Variants in BTBD2 observed in about 807,000 individuals in gnomAD.
BTBD2 encodes BTB/POZ domain-containing protein 2.
BTBD2 carries 15 observed loss-of-function variants against 44.0 expected under a neutral mutation model. The observed-to-expected ratio is 0.34, with a 90% confidence interval of 0.23 to 0.53. The LOEUF is 0.53. Ranked by LOEUF, BTBD2 falls within the 20% of genes least tolerant of loss-of-function variation. BTBD2 has a pLI of 0.95. For missense variants in BTBD2, 657 were observed against 746.4 expected, an observed-to-expected ratio of 0.88 and a Z score of 1.39; for synonymous variants, 443 against 335.9, an observed-to-expected ratio of 1.32 and a Z score of -3.49.
At chr19:1,986,691 C>T (rs769692974) in intron 8 of BTBD2, 42 bp from the exon 9 acceptor site, 10 of 1,604,248 alleles carry the variant, frequency 6.2e-6, no homozygotes, top group Admixed American at 1.7e-5. Flanking sequence ...GACCACCAGG[C>T]TGGGATGCCC....
At chr19:2,014,471 C>G (rs1385437993) in intron 1 of BTBD2, 1 of 145,452 alleles carries the variant, frequency 6.9e-6, no homozygotes, top group African/African-American at 2.6e-5. Context: ...AGGTGGGGTC[C>G]AGGGATGGAG....
chr19:2,013,722 G>C, intron 1 of BTBD2: 3 of 972,670 alleles, frequency 3.1e-6, no homozygotes, highest in Non-Finnish European at 3.7e-6. Context: ...GGTATCCCTG[G>C]AGGGGAGCAG....
chr19:2,001,197 T>G (rs966590621), intron 1 of BTBD2, among the ~76,000 whole-genome samples: 4 of 151,082 alleles, frequency 2.6e-5, no homozygotes, highest in Admixed American at 2.0e-4. Flanking sequence ...GGCAGGAGAA[T>G]CACTTAGAAC....
intron 2 of BTBD2, among the ~76,000 whole-genome samples, chr19:1,994,780 A>G (rs186111787): frequency 8.7e-4 from 132 of 152,138 alleles, no homozygotes; most frequent in African/African-American, 3.2e-3. Flanking sequence ...AAATAAAAAA[A>G]TATTTTTTTT....
At chr19:2,015,085 G>A (rs1017797755) in intron 1 of BTBD2, among the ~76,000 whole-genome samples, 1 of 150,018 alleles carries the variant, frequency 6.7e-6, no homozygotes, top group African/African-American at 2.5e-5. Context: ...AGGGGTGCAG[G>A]GCCTCAGGTG....
chr19:1,990,315 C>T (rs1306103925), intron 4 of BTBD2, 114 bp from the exon 5 acceptor site: 12 of 1,165,212 alleles, frequency 1.0e-5, no homozygotes, highest in East Asian at 5.2e-5. Flanking sequence ...AACTATGGCC[C>T]GTGGCCCAAA....
intron 4 of BTBD2, 33 bp from the exon 5 acceptor site, chr19:1,990,234 G>A (rs539455092): frequency 3.2e-6 from 5 of 1,559,478 alleles, no homozygotes; most frequent in African/African-American, 1.4e-5. Flanking sequence ...GCGTGAACAC[G>A]ACACCCACAT....
chr19:2,012,950 A>G (rs1372243866), intron 1 of BTBD2, among the ~76,000 whole-genome samples: 1 of 151,960 alleles, frequency 6.6e-6, no homozygotes, highest in Non-Finnish European at 1.5e-5. Context: ...CCCCTCCCCA[A>G]AGAGCACAAA....
intron 1 of BTBD2, 26 bp downstream of exon 1, chr19:2,015,271 A>G: frequency 6.6e-7 from 1 of 1,503,760 alleles, no homozygotes; most frequent in Non-Finnish European, 8.9e-7. Context: ...GGTCGGGGCC[A>G]GGGCTGGCGG....
At chr19:2,006,535 A>C in intron 1 of BTBD2, among the ~76,000 whole-genome samples, 1 of 151,070 alleles carries the variant, frequency 6.6e-6, no homozygotes, top group African/African-American at 2.4e-5. Flanking sequence ...AAGAAAAATC[A>C]CCCAACTTTA....
At chr19:1,999,738 A>G (rs987635315) in intron 1 of BTBD2, among the ~76,000 whole-genome samples, 3 of 151,784 alleles carry the variant, frequency 2.0e-5, no homozygotes, top group East Asian at 1.9e-4. Context: ...AGGCAGGCAA[A>G]TCACCTGGGG....
intron 3 of BTBD2, chr19:1,991,204 A>G (rs2016172613): frequency 5.1e-6 from 1 of 196,318 alleles, no homozygotes; most frequent in Admixed American, 5.7e-5. Context: ...CCGACCGGTG[A>G]AGCTTCCCGA....
intron 1 of BTBD2, chr19:2,003,378 G>A (rs1229795785): frequency 2.6e-5 from 4 of 152,216 alleles, no homozygotes; most frequent in Admixed American, 2.6e-4. Context: ...GGAGGCTGAA[G>A]CAAGAGACTT....
intron 1 of BTBD2, among the ~76,000 whole-genome samples, chr19:2,010,941 G>A (rs1432263503): frequency 2.0e-5 from 3 of 152,122 alleles, no homozygotes; most frequent in Non-Finnish European, 4.4e-5. Flanking sequence ...CCCGGCCTCA[G>A]CTGCTGTTTT....
intron 5 of BTBD2, chr19:1,988,692 C>G (rs1296831013): frequency 6.7e-6 from 1 of 148,918 alleles, no homozygotes; most frequent in African/African-American, 2.6e-5. Flanking sequence ...CAACATCCGT[C>G]TCCAGGGTTC....
chr19:2,008,303 C>CTT (rs36003432), intron 1 of BTBD2, among the ~76,000 whole-genome samples: 1 of 141,006 alleles, frequency 7.1e-6, no homozygotes, highest in South Asian at 2.3e-4. Context: ...TGCGCCCACT[C>CTT]TTTTTTTTTT....
rs918941268 is a variant in BTBD2 at position 1,986,395 on chromosome 19, T to TGGCACCGCGTGGTGGGGG, written c.*75_*92dup. 2.3e-5 allele frequency: 34 copies of TGGCACCGCGTGGTGGGGG among 1,491,966 alleles called. No homozygotes were observed. Among genetic ancestry groups the TGGCACCGCGTGGTGGGGG allele is most frequent in the Non-Finnish European group, 3.1e-5 (34 of 1,084,270 alleles). The allele number at this position is 1,491,966 out of a possible 1,614,324, so 92.4% of individuals were successfully genotyped here. A position where few individuals can be genotyped will look rare whatever the true frequency, so the allele number is the denominator to read the frequency against. ...CAGACGGCCTGGGGGACACTGGGCCTGGCACCGCGTGGTGGGGGGGCCCCA... is the reference window on the plus strand; with the variant it reads ...CAGACGGCCTGGGGGACACTGGGCCTGGCACCGCGTGGTGGGGGGGCACCGCGTGGTGGGGGGGCCCCA... On this transcript the variant is annotated 3_prime_UTR_variant, in exon 9 of 9. Coordinates refer to ENST00000255608, the MANE Select transcript of BTBD2 (RefSeq NM_017797.4).
At chr19:1,993,245 G>A (rs2016206024) in intron 2 of BTBD2, 69 bp from the exon 3 acceptor site, 3 of 1,509,700 alleles carry the variant, frequency 2.0e-6, no homozygotes, top group Admixed American at 4.0e-5. Context: ...AGCGTCAGGG[G>A]ACCACTCAGA....
intron 1 of BTBD2, among the ~76,000 whole-genome samples, chr19:2,006,505 T>A (rs1320132863): frequency 7.0e-5 from 6 of 86,102 alleles, no homozygotes; most frequent in Admixed American, 5.9e-4. Context: ...AGACTCCGTC[T>A]CAAAAAAAAA....
Sources: gnomAD v4.1 joint callset for allele counts (sites outside exome capture counted in the v4.1 genomes callset) on GRCh38, gnomAD v4.1.1 for gene constraint, MANE v1.5 for transcripts, NCBI Gene and HGNC (gene_info 2026-07-23, HGNC 2026-07-21) for gene names.